Variants in CCL18 observed in about 807,000 individuals in gnomAD.
CCL18 encodes the protein C-C motif chemokine 18.
A neutral mutation model predicts 8.0 loss-of-function variants in CCL18; 7 were observed. The observed-to-expected ratio is 0.87, with a 90% CI of 0.50 to 1.64. The LOEUF (loss-of-function observed/expected upper bound fraction) is 1.64, where lower values mean the gene tolerates loss of function less well. Ranked by LOEUF, CCL18 falls within the 40% of genes most tolerant of loss-of-function variation. The probability of loss-of-function intolerance (pLI) is 0.00; values close to 1 mark genes in which losing one functional copy is unlikely to be tolerated. For missense variants in CCL18, 95 were observed against 107.8 expected (o/e 0.88, Z 0.52); for synonymous variants, 35 against 41.3 (o/e 0.85, Z 0.59).
At chr17:36,066,817 C>T (rs1337373367) in intron 1 of CCL18, among the ~76,000 whole-genome samples, 1 of 152,200 alleles carries the variant, frequency 6.6e-6, no homozygotes, top group South Asian at 2.1e-4. Context: ...ACATTTAAAC[C>T]ACACCCTGGG....
In CCL18 at chr17:36,067,206, A is replaced by G. The variant is rs1378758076; in HGVS notation, c.67+2797A>G. 2.0e-5 allele frequency among the ~76,000 whole-genome samples: 3 copies of G among 152,182 alleles called. No individual in the cohort carries two copies. In the East Asian group the frequency reaches 5.8e-4, roughly 29 times the overall value. ...CATTCATAGCTCCCTACAATATGCC[A>G]TCATTGGGTTTGACTCTGGGTAATA... is the stretch of plus-strand genomic sequence containing the variant. On this transcript the variant is annotated intron_variant, in intron 1 of 2. Transcript: ENST00000616054.
intron 1 of CCL18, among the ~76,000 whole-genome samples, chr17:36,065,021 C>T (rs1321410574): frequency 6.6e-6 from 1 of 152,196 alleles, no homozygotes; most frequent in East Asian, 1.9e-4. Flanking sequence ...GCCTGGGCTT[C>T]TTCTCCTGAG....
intron 1 of CCL18, 51 bp downstream of exon 1, chr17:36,064,460 G>A (rs377014840): frequency 7.7e-5 from 110 of 1,428,124 alleles, no homozygotes; most frequent in African/African-American, 2.5e-4. Context: ...GAAGTCAGGC[G>A]ACATCTTCCA....
At chr17:36,068,328 T>A (rs576527683) in intron 1 of CCL18, among the ~76,000 whole-genome samples, 1 of 151,862 alleles carries the variant, frequency 6.6e-6, no homozygotes, top group South Asian at 2.1e-4. Context: ...AAACTGTTTT[T>A]TAAAAAAAAA....
chr17:36,068,435 G>A (rs1281329425), intron 1 of CCL18, among the ~76,000 whole-genome samples: 2 of 152,126 alleles, frequency 1.3e-5, no homozygotes, highest in Non-Finnish European at 2.9e-5. Context: ...AATAGGGAAT[G>A]TAGAAAAAAA....
chr17:36,070,960 CAA>C lies in CCL18; in HGVS notation c.190_191del (p.Lys64GlufsTer8), dbSNP rs761777261. On this transcript the variant is annotated frameshift_variant, in exon 3 of 3. Transcript: ENST00000616054. LOFTEE classifies it low-confidence loss of function (END_TRUNC). The part of the protein sequence containing the change: ...CPKPGVILLT[K>X]RGRQICADPN... ...CCTCCCTTCTCCACAGCCTCCTAACCAAGAGAGGCCGGCAGATCTGTGCTGAC... is the reference window on the plus strand; with the variant it reads ...CCTCCCTTCTCCACAGCCTCCTAACCGAGAGGCCGGCAGATCTGTGCTGAC... 213 of 1,612,918 alleles carry C rather than the reference CAA, an allele frequency of 1.3e-4. No individual in the cohort carries two copies. The highest frequency in any genetic ancestry group is 1.8e-4 in the Non-Finnish European group (210 of 1,178,888).
intron 1 of CCL18, among the ~76,000 whole-genome samples, chr17:36,069,208 G>A (rs1359419624): frequency 6.6e-6 from 1 of 152,142 alleles, no homozygotes; most frequent in Non-Finnish European, 1.5e-5. Context: ...GCTATCAGAA[G>A]GTTCTGCTCA....
intron 1 of CCL18, among the ~76,000 whole-genome samples, chr17:36,065,524 T>A (rs867622645): frequency 2.4e-4 from 37 of 152,154 alleles, no homozygotes; most frequent in Admixed American, 7.2e-4. Flanking sequence ...GGACTGATGC[T>A]GACATTACGC....
At chr17:36,068,761 G>C (rs1385529778) in intron 1 of CCL18, among the ~76,000 whole-genome samples, 1 of 152,186 alleles carries the variant, frequency 6.6e-6, no homozygotes, top group Non-Finnish European at 1.5e-5. Flanking sequence ...CAACAAAATG[G>C]TGGGGGAAGG....
At chr17:36,066,332 G>A (rs907944532) in intron 1 of CCL18, among the ~76,000 whole-genome samples, 4 of 152,190 alleles carry the variant, frequency 2.6e-5, no homozygotes, top group African/African-American at 9.7e-5. Flanking sequence ...GAGAGGAGAT[G>A]GAGGGCACCA....
intron 1 of CCL18, among the ~76,000 whole-genome samples, chr17:36,066,190 T>G (rs1466595521): frequency 6.6e-6 from 1 of 152,210 alleles, no homozygotes; most frequent in African/African-American, 2.4e-5. Context: ...TTAGAGAATC[T>G]TAATCCACAA....
chr17:36,070,959 C>T lies in CCL18; in HGVS notation c.188C>T (p.Thr63Ile). 1 of 1,612,666 alleles carries T rather than the reference C, an allele frequency of 6.2e-7. No homozygotes were observed. The highest frequency in any genetic ancestry group is 1.3e-5 in the African/African-American group (1 of 75,036). The change falls in exon 3 of 3, where the codon ACC becomes ATC. Residue 63 changes from threonine (T) to isoleucine (I), a missense_variant. Physicochemically the swap from Thr to Ile is moderately conservative, Grantham distance 89. Coordinates refer to ENST00000616054, the MANE Select transcript of CCL18 (RefSeq NM_002988.4). Reference sequence around the variant, plus strand: ...TCCTCCCTTCTCCACAGCCTCCTAACCAAGAGAGGCCGGCAGATCTGTGCT... The same window carrying T: ...TCCTCCCTTCTCCACAGCCTCCTAATCAAGAGAGGCCGGCAGATCTGTGCT... ...QCPKPGVILL[T>I]KRGRQICADP...
intron 1 of CCL18, among the ~76,000 whole-genome samples, chr17:36,066,405 C>T (rs941289156): frequency 2.0e-5 from 3 of 152,124 alleles, no homozygotes; most frequent in East Asian, 1.9e-4. Flanking sequence ...CAGGACTGGG[C>T]ACTCACTGCC....
chr17:36,067,369 A>G (rs926252987), intron 1 of CCL18, among the ~76,000 whole-genome samples: 3 of 152,274 alleles, frequency 2.0e-5, no homozygotes, highest in Admixed American at 2.0e-4. Context: ...TTTTTTGCAT[A>G]CAGATGTTTG....
intron 1 of CCL18, among the ~76,000 whole-genome samples, chr17:36,066,679 C>T (rs946944017): frequency 3.3e-5 from 5 of 152,170 alleles, no homozygotes; most frequent in South Asian, 2.1e-4. Context: ...TGAAGTCATA[C>T]GTACAAGGAG....
chr17:36,071,472 C>T lies in CCL18; in HGVS notation c.*431C>T, dbSNP rs2066866480. On this transcript the variant is annotated 3_prime_UTR_variant, in exon 3 of 3. Coordinates refer to ENST00000616054, the MANE Select transcript of CCL18 (RefSeq NM_002988.4). ...ATTATATAAAAGGTAAACCAGCATTCTCACTGTGACGACTCTGTTGATTTT... is the reference window on the plus strand; with the variant it reads ...ATTATATAAAAGGTAAACCAGCATTTTCACTGTGACGACTCTGTTGATTTT... 1 of 156,520 alleles carries T rather than the reference C, an allele frequency of 6.4e-6. No homozygotes were observed. The highest frequency in any genetic ancestry group is 2.4e-5 in the African/African-American group (1 of 41,500). The allele number at this position is 156,520 out of a possible 1,614,324, so 9.7% of individuals were successfully genotyped here.
At chr17:36,068,215 A>G (rs953096278) in intron 1 of CCL18, among the ~76,000 whole-genome samples, 1 of 152,206 alleles carries the variant, frequency 6.6e-6, no homozygotes, top group Non-Finnish European at 1.5e-5. Context: ...TGACAACAGT[A>G]ATGTCTTCCC....
rs1199919507 is a variant in CCL18 at position 36,071,003 on chromosome 17, G to A, written c.232G>A (p.Val78Ile). Reference protein sequence around the residue: ...QICADPNKKWVQKYISDLKLN... With the variant: ...QICADPNKKWIQKYISDLKLN... ...CTGTGCTGACCCCAATAAGAAGTGG[G>A]TCCAGAAATACATCAGCGACCTGAA... The change falls in exon 3 of 3, where the codon GTC (valine) becomes ATC (isoleucine). Residue 78 changes from valine to isoleucine, a missense_variant. Physicochemically the swap from Val to Ile is conservative, Grantham distance 29. Transcript: ENST00000616054. 1.2e-6 allele frequency: 2 copies of A among 1,614,040 alleles called. No individual in the cohort carries two copies. Among genetic ancestry groups the A allele is most frequent in the Admixed American group, 1.7e-5 (1 of 60,024 alleles).
intron 1 of CCL18, among the ~76,000 whole-genome samples, chr17:36,069,957 C>T (rs1045384563): frequency 1.3e-5 from 2 of 152,180 alleles, no homozygotes; most frequent in South Asian, 2.1e-4. Flanking sequence ...GACTATTTCC[C>T]GAGGAGGATT....
Sources: gnomAD v4.1 joint callset for allele counts (sites outside exome capture counted in the v4.1 genomes callset) on GRCh38, gnomAD v4.1.1 for gene constraint, MANE v1.5 for transcripts, NCBI Gene and HGNC (gene_info 2026-07-23, HGNC 2026-07-21) for gene names.